The following PKD1L3 variants were observed in gnomAD, a reference collection of about 807,000 sequenced individuals.
The protein encoded by PKD1L3 is polycystin 1 like 3, transient receptor potential channel interacting.
Under a neutral mutation model 184.1 loss-of-function variants are expected in PKD1L3, and 239 were observed. That is an observed-to-expected ratio of 1.30 (90% CI 1.17 to 1.45). The LOEUF (loss-of-function observed/expected upper bound fraction) is 1.45. Among genes scored for constraint, PKD1L3 ranks in the 40% most tolerant of loss-of-function variants. The pLI is 0.00. For missense variants in PKD1L3, 2,660 were observed against 2,067.2 expected, an observed-to-expected ratio of 1.29 and a Z score of -5.56; for synonymous variants, 996 against 778.8, an observed-to-expected ratio of 1.28 and a Z score of -4.64.
At chr16:71,932,478 T>C (rs1157099251) in intron 28 of PKD1L3, among the ~76,000 whole-genome samples, 1 of 142,194 alleles carries the variant, frequency 7.0e-6, no homozygotes, top group Non-Finnish European at 1.6e-5. Context: ...ACTTCCATTA[T>C]GTCACTTTTT....
At chr16:71,934,214 C>T (rs997048206) in intron 26 of PKD1L3, 89 bp from the exon 27 acceptor site, 41 of 1,247,310 alleles carry the variant, frequency 3.3e-5, no homozygotes, top group Non-Finnish European at 4.4e-5. Context: ...ATCGTGGCAG[C>T]CCTGAGTCCT....
chr16:71,933,806 T>G, intron 27 of PKD1L3, 109 bp downstream of exon 27: 1 of 1,236,422 alleles, frequency 8.1e-7, no homozygotes, highest in Non-Finnish European at 1.1e-6. Context: ...AACCCGGCTT[T>G]CCTACTGTAC....
In PKD1L3 at chr16:71,967,150, C is replaced by T. The variant is rs76718668; in HGVS notation, c.2452G>A (p.Val818Ile). ...ATAAGTACTCACCAGGAGGGACTGA[C>T]GCCAGAATTGTCATGCCAGAGCCGA... ...SLRLWHDNSG[V>I]SPSWYVSQVI... Residue 818 changes from valine to isoleucine, a missense_variant, in exon 15 of 30, where the codon GTC becomes ATC. Transcript: ENST00000620267. The T allele has an allele frequency of 1.3e-4, 205 of 1,551,586 alleles. No individual in the cohort carries two copies. In the African/African-American group the frequency reaches 1.7e-3, roughly 13 times the overall value.
At chr16:71,989,979 G>A (rs890791224) in intron 4 of PKD1L3, among the ~76,000 whole-genome samples, 8 of 151,666 alleles carry the variant, frequency 5.3e-5, no homozygotes, top group African/African-American at 1.5e-4. Context: ...GGAGGCTGAG[G>A]CAGGAGAATC....
In PKD1L3 at chr16:71,944,080, T is replaced by C; in HGVS notation, c.3809A>G (p.Glu1270Gly). ...GAGTTTCTTCTTTTTCAAGGTTCTT[T>C]CTGGGTGCTTAGTTGGACTATTTAT... ...PAINSPTKHP[E>G]RTLKKKKLFK... Residue 1270 changes from glutamate (E) to glycine (G), a missense_variant, in exon 23 of 30, where the codon GAA becomes GGA. Coordinates refer to ENST00000620267, the MANE Select transcript of PKD1L3 (RefSeq NM_181536.2). 1.3e-6 allele frequency: 2 copies of C among 1,552,236 alleles called. No individual in the cohort carries two copies. Among genetic ancestry groups the C allele is most frequent in the Non-Finnish European group, 1.7e-6 (2 of 1,147,094 alleles).
At chr16:71,932,483 C>CCT (rs2038010381) in intron 28 of PKD1L3, among the ~76,000 whole-genome samples, 1 of 150,200 alleles carries the variant, frequency 6.7e-6, no homozygotes, top group Non-Finnish European at 1.5e-5. Flanking sequence ...CATTATGTCA[C>CCT]TTTTTTTTTT....
intron 6 of PKD1L3, 27 bp from the exon 7 acceptor site, chr16:71,982,262 AC>A: frequency 1.2e-6 from 1 of 822,262 alleles, no homozygotes; most frequent in South Asian, 2.3e-5. Context: ...GCAAACATAC[AC>A]CCTTGAATTG....
Position 71,933,951 on chromosome 16 carries a change from C to T in PKD1L3, c.4788G>A (p.Leu1596=). 1 of 1,551,508 alleles carries T rather than the reference C, an allele frequency of 6.4e-7. No homozygotes were observed. Among genetic ancestry groups the T allele is most frequent in the East Asian group, 2.4e-5 (1 of 40,918 alleles). ...RAWDEVVGFL[L]IILILLTGYA... ...AGCCTGTCAGCAGGATTAGGATGAT[C>T]AGCAGAAAGCCCACCACCTCGTCCC... The change falls in exon 27 of 30, where the codon CTG becomes CTA. Residue 1596 remains leucine, a synonymous_variant. Transcript: ENST00000620267.
At position 71,967,085 on chromosome 16, in the gene PKD1L3, T is replaced by C. The variant is rs564289755; in HGVS notation, c.2465+52A>G. The C allele has an allele frequency of 5.5e-5, 82 of 1,485,282 alleles. No individual in the cohort carries two copies. The African/African-American group carries it at 9.9e-4, about 18-fold the overall frequency. The allele number at this position is 1,485,282 out of a possible 1,614,324, so 92.0% of individuals were successfully genotyped here. On this transcript the variant is annotated intron_variant, in intron 15 of 29. Coordinates refer to ENST00000620267, the MANE Select transcript of PKD1L3 (RefSeq NM_181536.2). ...TTTATTGTGGTGATCTTCTTTCTTC[T>C]CTCTTGGATCCACAAAGCAGCAGCA...
At chr16:71,944,288 T>C in intron 22 of PKD1L3, 118 bp from the exon 23 acceptor site, 1 of 996,506 alleles carries the variant, frequency 1.0e-6, no homozygotes, top group Middle Eastern at 2.5e-4. Context: ...GGAATAAAAC[T>C]ACCTATGCAG....
chr16:71,929,646 C>CT lies in PKD1L3; in HGVS notation c.5090dup (p.Lys1698GlufsTer17). ...TGATTCCTAACAAATTTGAGAGCTTCTGTAGCAGTGTATCTATTAGTGCAG... is the reference window on the plus strand; with the variant it reads ...TGATTCCTAACAAATTTGAGAGCTTCTTGTAGCAGTGTATCTATTAGTGCAG... On this transcript the variant is annotated frameshift_variant, in exon 30 of 30. Coordinates refer to ENST00000620267, the MANE Select transcript of PKD1L3 (RefSeq NM_181536.2). LOFTEE classifies it low-confidence loss of function (END_TRUNC). The CT allele has an allele frequency of 2.6e-6, 4 of 1,551,738 alleles. No homozygotes were observed. Among genetic ancestry groups the CT allele is most frequent in the Non-Finnish European group, 3.5e-6 (4 of 1,146,856 alleles).
chr16:71,947,498 G>A lies in PKD1L3; in HGVS notation c.3712C>T (p.Leu1238Phe), dbSNP rs778187611. Residue 1238 changes from leucine to phenylalanine, a missense_variant, in exon 22 of 30, where the codon CTC (leucine) becomes TTC (phenylalanine). Transcript: ENST00000620267. Reference protein sequence around the residue: ...NEQQTKRILALLAKCSSSVPG... With the variant: ...NEQQTKRILAFLAKCSSSVPG... ...TTAGAACTACTTGAGTTACCCAAGA[G>A]TGCCAAGATCCTCTTTGTTTGTTGT... 6 of 1,525,298 alleles carry A rather than the reference G, an allele frequency of 3.9e-6. No homozygotes were observed. Among genetic ancestry groups the A allele is most frequent in the African/African-American group, 1.5e-5 (1 of 68,926 alleles). The allele number at this position is 1,525,298 out of a possible 1,614,324, so 94.5% of individuals were successfully genotyped here. A position where few individuals can be genotyped will look rare whatever the true frequency, so the allele number is the denominator to read the frequency against.
At chr16:71,981,892 G>C (rs1210396025) in intron 7 of PKD1L3, among the ~76,000 whole-genome samples, 167 bp downstream of exon 7, 2 of 152,072 alleles carry the variant, frequency 1.3e-5, no homozygotes, top group Non-Finnish European at 2.9e-5. Flanking sequence ...GCTCACTGGT[G>C]GGGTGGGGAG....
intron 28 of PKD1L3, 151 bp from the exon 29 acceptor site, chr16:71,930,334 A>G: frequency 1.4e-6 from 1 of 698,172 alleles, no homozygotes; most frequent in Non-Finnish European, 2.2e-6. Flanking sequence ...AAGAAGGAAA[A>G]TACTTTTAAA....
intron 21 of PKD1L3, 137 bp downstream of exon 21, chr16:71,949,646 C>A (rs2038752448): frequency 3.7e-6 from 3 of 818,926 alleles, no homozygotes; most frequent in East Asian, 5.4e-5. Context: ...AGCCACTACA[C>A]CCAGCCTGGT....
chr16:71,953,769 G>C (rs2038939456), intron 17 of PKD1L3, among the ~76,000 whole-genome samples: 1 of 152,142 alleles, frequency 6.6e-6, no homozygotes, highest in African/African-American at 2.4e-5. Flanking sequence ...CCATGATCCA[G>C]TCACCTCCCA....
intron 11 of PKD1L3, among the ~76,000 whole-genome samples, chr16:71,974,725 G>A (rs953072399): frequency 6.6e-6 from 1 of 152,176 alleles, no homozygotes; most frequent in Non-Finnish European, 1.5e-5. Context: ...TTGGAATTGG[G>A]AAAGGGCCCG....
Position 71,950,227 on chromosome 16 carries a change from G to C in PKD1L3, c.3274C>G (p.Leu1092Val), listed in dbSNP as rs1233163598. 6 of 1,552,026 alleles carry C rather than the reference G, an allele frequency of 3.9e-6. No individual in the cohort carries two copies. Among genetic ancestry groups the C allele is most frequent in the Non-Finnish European group, 5.2e-6 (6 of 1,147,034 alleles). Residue 1092 changes from leucine (L) to valine (V), a missense_variant, in exon 20 of 30, where the codon CTC (leucine) becomes GTC (valine). Coordinates refer to ENST00000620267, the MANE Select transcript of PKD1L3 (RefSeq NM_181536.2). ...TCACAGGACTGGTGACCCTGGGTGA[G>C]ACCCAGCGTGCCTAAGTGAGATTTC... Reference protein sequence around the residue: ...RLKSHLGTLGLTQGHQSCDFL... With the variant: ...RLKSHLGTLGVTQGHQSCDFL...
chr16:71,930,290 C>T lies in PKD1L3; in HGVS notation c.4927-107G>A, dbSNP rs776062217. 24 of 1,178,818 alleles carry T rather than the reference C, an allele frequency of 2.0e-5. No individual in the cohort carries two copies. In the South Asian group the frequency reaches 2.1e-4, roughly 10 times the overall value. The allele number at this position is 1,178,818 out of a possible 1,614,324, so 73.0% of individuals were successfully genotyped here. A position where few individuals can be genotyped will look rare whatever the true frequency, so the allele number is the denominator to read the frequency against. On this transcript the variant is annotated intron_variant, in intron 28 of 29. Coordinates refer to ENST00000620267, the MANE Select transcript of PKD1L3 (RefSeq NM_181536.2). ...GATCTTATCAGAAGAAAAGCTTATC[C>T]GAAGGAAACTTAGGGAGAGAGTCAA... is the stretch of plus-strand genomic sequence containing the variant.
Sources: gnomAD v4.1 joint callset for allele counts (sites outside exome capture counted in the v4.1 genomes callset) on GRCh38, gnomAD v4.1.1 for gene constraint, MANE v1.5 for transcripts, NCBI Gene and HGNC (gene_info 2026-07-23, HGNC 2026-07-21) for gene names.